The following PODNL1 variants were observed in gnomAD, a reference collection of about 807,000 sequenced individuals.
The protein encoded by PODNL1 is podocan-like protein 1.
In PODNL1, 50 loss-of-function variants were observed where a neutral mutation model predicts 45.1. That is an observed-to-expected ratio of 1.11 (90% CI 0.88 to 1.40). PODNL1 has a LOEUF of 1.40. Among genes scored for constraint, PODNL1 ranks in the 40% most tolerant of loss-of-function variants. The pLI is 0.00. For missense variants in PODNL1, 788 were observed against 793.3 expected (o/e 0.99, Z 0.08); for synonymous variants, 406 against 372.5 (o/e 1.09, Z -1.04).
upstream of PODNL1, among the ~76,000 whole-genome samples, chr19:13,942,588 GC>G (rs1252462365): frequency 6.6e-6 from 1 of 152,168 alleles, no homozygotes; most frequent in African/African-American, 2.4e-5. Context: ...CCCAGCAGGG[GC>G]CTCTGCAGGG....
Position 13,934,245 on chromosome 19 carries a change from C to T in PODNL1, c.651+9G>A. Reference sequence around the variant, plus strand: ...GTCTGGCCCGGGGTGGGACCTACAGCAGGGCTACCTGCAGGTGGAGCCGCT... The same window carrying T: ...GTCTGGCCCGGGGTGGGACCTACAGTAGGGCTACCTGCAGGTGGAGCCGCT... On this transcript the variant is annotated intron_variant, in intron 6 of 9. Transcript: ENST00000588872. 3 of 1,499,080 alleles carry T rather than the reference C, an allele frequency of 2.0e-6. No homozygotes were observed. The highest frequency in any genetic ancestry group is 2.7e-6 in the Non-Finnish European group (3 of 1,127,246). 92.9% of individuals were successfully genotyped at this position (1,499,080 alleles called of 1,614,324 possible). A position where few individuals can be genotyped will look rare whatever the true frequency, so the allele number is the denominator to read the frequency against.
upstream of PODNL1, among the ~76,000 whole-genome samples, chr19:13,940,237 CAAT>C (rs764421276): frequency 5.6e-4 from 85 of 151,608 alleles, no homozygotes; most frequent in Non-Finnish European, 1.1e-3. Flanking sequence ...CCAGCCTGGT[CAAT>C]AATGGTGAGA....
chr19:13,938,079 C>A (rs764295251), intron 1 of PODNL1, 73 bp from the exon 2 acceptor site: 99 of 1,470,422 alleles, frequency 6.7e-5, no homozygotes, highest in Non-Finnish European at 8.8e-5. Flanking sequence ...GCATCCCCTC[C>A]TCGGGGAGGG....
Position 13,933,072 on chromosome 19 carries a change from T to C in PODNL1, c.1151A>G (p.Tyr384Cys). Residue 384 changes from tyrosine (Y) to cysteine (C), a missense_variant, in exon 8 of 10, where the codon TAT becomes TGT. Physicochemically the swap from Tyr to Cys is radical, Grantham distance 194 (BLOSUM62 -2). This residue lies in a region of PODNL1 where 762 missense variants were observed against 750.9 expected (regional missense o/e 1.01). Transcript: ENST00000588872. This position sits in a 1 kb window ranked among gnomAD's most constrained non-coding sequence, Gnocchi z 5.2. ...TPGLTELNLA[Y>C]NRLASARVHH... ...CACACGGGCGCTGGCCAGGCGGTTA[T>C]AGGCCAGGTTAAGCTCCGTCAGGCC... 6.5e-7 allele frequency: 1 copy of C among 1,534,078 alleles called. No individual in the cohort carries two copies. Among genetic ancestry groups the C allele is most frequent in the Non-Finnish European group, 8.7e-7 (1 of 1,145,024 alleles).
chr19:13,935,758 T>G lies in PODNL1; in HGVS notation c.457A>C (p.Ile153Leu). 1 of 1,593,366 alleles carries G rather than the reference T, an allele frequency of 6.3e-7. No homozygotes were observed. The highest frequency in any genetic ancestry group is 8.5e-7 in the Non-Finnish European group (1 of 1,173,348). Residue 153 changes from isoleucine to leucine, a missense_variant, in exon 5 of 10, where the codon ATC becomes CTC. Around this residue, in one of 3 missense-constraint regions of PODNL1, gnomAD observed 762 missense variants for 750.9 expected, o/e 1.01. Coordinates refer to ENST00000588872, the MANE Select transcript of PODNL1 (RefSeq NM_001370095.3). ...ADLAANQVME[I>L]FPLTFGEKPA... Reference sequence around the variant, plus strand: ...TTCTCCCCAAAGGTGAGGGGGAAGATCTCCATCACTTGGTTGGCAGCCAGA... The same window carrying G: ...TTCTCCCCAAAGGTGAGGGGGAAGAGCTCCATCACTTGGTTGGCAGCCAGA...
In PODNL1 at chr19:13,950,281, C is replaced by G. The variant is rs1972955984; in HGVS notation, c.18+2838G>C. Among the ~76,000 whole-genome samples the G allele has an allele frequency of 2.0e-5, 3 of 152,172 alleles. No homozygotes were observed. In the South Asian group the frequency reaches 6.2e-4, roughly 31 times the overall value. ...CTCCTGGGCTCAAGTAATCTTTCTG[C>G]CTCAGCCTCCCGAGTGGCTGAAACT... On this transcript the variant is annotated intron_variant, in intron 1 of 7. Coordinates refer to the PODNL1 transcript ENST00000538371.
Position 13,931,815 on chromosome 19 carries a change from G to A in PODNL1, c.1647C>T (p.Asp549=). The stretch of plus-strand genomic sequence containing the variant: ...GGACCTGCTCCGGATTCCCTGCCGT[G>A]TCCACCACACGCAGGTTTGGGAGCC... ...FLGLPNLRVV[D]TAGNPEQVLI... Residue 549 remains aspartate, a synonymous_variant, in exon 10 of 10, where the codon GAC becomes GAT. Coordinates refer to ENST00000588872, the MANE Select transcript of PODNL1 (RefSeq NM_001370095.3). The A allele has an allele frequency of 8.1e-7, 1 of 1,231,900 alleles. No homozygotes were observed. The highest frequency in any genetic ancestry group is 4.2e-5 in the Admixed American group (1 of 23,726). The allele number at this position is 1,231,900 out of a possible 1,614,324, so 76.3% of individuals were successfully genotyped here.
At chr19:13,943,684 G>A (rs1002389738) in intron 1 of PODNL1, among the ~76,000 whole-genome samples, 19 of 151,788 alleles carry the variant, frequency 1.3e-4, no homozygotes, top group African/African-American at 3.9e-4. Context: ...GGATGGTTTC[G>A]ATCTCCTGAC....
chr19:13,936,073 C>A (rs1487224346), intron 3 of PODNL1, 29 bp from the exon 4 acceptor site: 4 of 1,538,516 alleles, frequency 2.6e-6, no homozygotes, highest in Non-Finnish European at 3.5e-6. Context: ...AGTGAAGGGA[C>A]CCCAGGCCTG....
chr19:13,931,490 T>C lies in PODNL1; in HGVS notation c.*247A>G. The stretch of plus-strand genomic sequence containing the variant: ...TGCTGAGTGCTGGAAGGGTTTGGCT[T>C]TATTGTTGCTGCCTCCATCTGTGTT... On this transcript the variant is annotated 3_prime_UTR_variant, in exon 10 of 10. Transcript: ENST00000588872. 2.6e-6 allele frequency: 1 copy of C among 385,132 alleles called. No individual in the cohort carries two copies. Among genetic ancestry groups the C allele is most frequent in the Non-Finnish European group, 4.5e-6 (1 of 220,938 alleles). 23.9% of individuals were successfully genotyped at this position (385,132 alleles called of 1,614,324 possible). A position where few individuals can be genotyped will look rare whatever the true frequency, so the allele number is the denominator to read the frequency against.
In PODNL1 at chr19:13,934,526, T is replaced by TGCGC. The variant is rs57996657; in HGVS notation, c.495-120_495-117dup. On this transcript the variant is annotated intron_variant, in intron 5 of 9. Transcript: ENST00000588872. ...GTGTGTGTGTGTGTGTGTGTGTGTG[T>TGCGC]GCGCGCGCATGTGTGGAGTCTGTGT... 627 of 899,244 alleles carry TGCGC rather than the reference T, an allele frequency of 7.0e-4. 6 individuals carry two copies. Among genetic ancestry groups the TGCGC allele is most frequent in the South Asian group, 6.8e-3 (292 of 43,170 alleles). The allele number at this position is 899,244 out of a possible 1,614,324, so 55.7% of individuals were successfully genotyped here. A position where few individuals can be genotyped will look rare whatever the true frequency, so the allele number is the denominator to read the frequency against.
At chr19:13,932,313 T>G in intron 8 of PODNL1, 1 of 568,986 alleles carries the variant, frequency 1.8e-6, no homozygotes, top group Non-Finnish European at 2.6e-6. Context: ...GACAGACAGG[T>G]CCCCACTTGA....
intron 1 of PODNL1, among the ~76,000 whole-genome samples, chr19:13,951,208 G>A (rs1052729743): frequency 6.6e-6 from 1 of 152,042 alleles, no homozygotes; most frequent in Admixed American, 6.6e-5. Context: ...CACTTTGGGA[G>A]GCCAAGACGG....
At chr19:13,939,273 G>A (rs1279602600), upstream of PODNL1, among the ~76,000 whole-genome samples, 2 of 152,150 alleles carry the variant, frequency 1.3e-5, no homozygotes, top group Admixed American at 6.5e-5. Context: ...GGGCAGTGGC[G>A]TGATCTCGGC....
At chr19:13,951,533 G>A (rs1233845491) in intron 1 of PODNL1, among the ~76,000 whole-genome samples, 1 of 152,154 alleles carries the variant, frequency 6.6e-6, no homozygotes, top group Non-Finnish European at 1.5e-5. Flanking sequence ...AGCACTTTGG[G>A]AGGCCTAGGC....
In PODNL1 at chr19:13,932,884, G is replaced by T. The variant is rs747799851; in HGVS notation, c.1339C>A (p.Gln447Lys). ...LEPEPLAGLDQLRELSLAHNR... is the reference protein window; with the variant it reads ...LEPEPLAGLDKLRELSLAHNR... ...TGCGCCAGGCTGAGCTCCCGCAGTTGGTCCAGGCCGGCCAGAGGCTCGGGC... is the reference window on the plus strand; with the variant it reads ...TGCGCCAGGCTGAGCTCCCGCAGTTTGTCCAGGCCGGCCAGAGGCTCGGGC... The change falls in exon 8 of 10, where the codon CAA (glutamine) becomes AAA (lysine). Residue 447 changes from glutamine (Q) to lysine (K), a missense_variant. Gln to Lys is a moderately conservative substitution (Grantham distance 53, BLOSUM62 1). Transcript: ENST00000588872. 1 of 1,606,130 alleles carries T rather than the reference G, an allele frequency of 6.2e-7. No homozygotes were observed. The highest frequency in any genetic ancestry group is 1.7e-5 in the Admixed American group (1 of 58,874).
intron 3 of PODNL1, 131 bp downstream of exon 3, chr19:13,936,236 C>T (rs2067524433): frequency 9.5e-7 from 1 of 1,047,324 alleles, no homozygotes; most frequent in Non-Finnish European, 1.4e-6. Flanking sequence ...GAGTTTCCAT[C>T]CTGCTCAGCA....
intron 1 of PODNL1, among the ~76,000 whole-genome samples, chr19:13,950,981 G>A (rs1197234553): frequency 1.4e-5 from 2 of 146,946 alleles, no homozygotes; most frequent in Non-Finnish European, 3.0e-5. Context: ...CCCGGGAGGT[G>A]AAGGGTGCAG....
chr19:13,952,371 G>A (rs1199324465), intron 1 of PODNL1: 2 of 1,130,694 alleles, frequency 1.8e-6, no homozygotes, highest in African/African-American at 1.6e-5. Context: ...CAAGAGTCGA[G>A]ATGGCTTTGA....
Sources: gnomAD v4.1 joint callset for allele counts (sites outside exome capture counted in the v4.1 genomes callset) on GRCh38, gnomAD v4.1.1 for gene constraint, gnomAD v4.1.1 regional missense constraint, Gnocchi (gnomAD v3.1) non-coding constraint, MANE v1.5 for transcripts, NCBI Gene and HGNC (gene_info 2026-07-23, HGNC 2026-07-21) for gene names.